The following MACROD2 variants were observed in gnomAD, a reference collection of about 807,000 sequenced individuals.
The protein encoded by MACROD2 is mono-ADP ribosylhydrolase 2.
MACROD2 carries 36 observed loss-of-function variants against 70.4 expected under a neutral mutation model. That is an observed-to-expected ratio of 0.51 (90% CI 0.39 to 0.68). The LOEUF is 0.68. Ranked by LOEUF, MACROD2 falls within the 30% of genes least tolerant of loss-of-function variation. MACROD2 has a pLI of 0.00. For synonymous variants in MACROD2, 172 were observed against 178.8 expected (o/e 0.96, Z 0.30); for missense variants, 496 against 538.4 (o/e 0.92, Z 0.78).
At chr20:14,266,912 G>A (rs894134845) in intron 3 of MACROD2, among the ~76,000 whole-genome samples, 1 of 152,144 alleles carries the variant, frequency 6.6e-6, no homozygotes, top group Non-Finnish European at 1.5e-5. Context: ...AGAACATATT[G>A]TAATCAGTAT....
At chr20:14,714,449 T>C (rs1336537605) in intron 5 of MACROD2, among the ~76,000 whole-genome samples, 1 of 152,162 alleles carries the variant, frequency 6.6e-6, no homozygotes, top group African/African-American at 2.4e-5. Context: ...TAAATTATTG[T>C]CACCTCCTGC....
At chr20:15,242,494 G>A (rs1410332321) in intron 6 of MACROD2, among the ~76,000 whole-genome samples, 1 of 152,108 alleles carries the variant, frequency 6.6e-6, no homozygotes, top group Non-Finnish European at 1.5e-5. Flanking sequence ...CTGGTCTTCA[G>A]TTTGCCTTTA....
intron 3 of MACROD2, among the ~76,000 whole-genome samples, chr20:14,284,164 T>C (rs1226182190): frequency 6.6e-6 from 1 of 152,056 alleles, no homozygotes; most frequent in East Asian, 1.9e-4. Flanking sequence ...AGGTGTTGGG[T>C]TGGACATGAC....
intron 8 of MACROD2, among the ~76,000 whole-genome samples, chr20:15,668,179 G>T (rs1205120690): frequency 6.6e-6 from 1 of 151,990 alleles, no homozygotes; most frequent in East Asian, 1.9e-4. Context: ...AGAATCACTT[G>T]AACCCAGGAG....
chr20:14,682,905 G>A (rs1418938012), intron 4 of MACROD2, among the ~76,000 whole-genome samples: 1 of 152,068 alleles, frequency 6.6e-6, no homozygotes, highest in Non-Finnish European at 1.5e-5. Flanking sequence ...TTGAGACGGA[G>A]TTTCACTCTT....
intron 2 of MACROD2, among the ~76,000 whole-genome samples, chr20:14,018,282 C>T (rs2053021596): frequency 6.7e-6 from 1 of 150,174 alleles, no homozygotes; most frequent in South Asian, 2.1e-4. Flanking sequence ...TTTTATTTAT[C>T]ACCACTCTTA....
chr20:14,729,381 A>T (rs530390150), intron 5 of MACROD2, among the ~76,000 whole-genome samples: 1 of 152,310 alleles, frequency 6.6e-6, no homozygotes, highest in South Asian at 2.1e-4. Flanking sequence ...AATATATTTT[A>T]TGTAGTATCC....
At chr20:14,686,279 G>C (rs2071001232) in intron 5 of MACROD2, among the ~76,000 whole-genome samples, 1 of 152,116 alleles carries the variant, frequency 6.6e-6, no homozygotes, top group Non-Finnish European at 1.5e-5. Context: ...GTAATTTGGA[G>C]ATGGGGCCCA....
chr20:15,304,165 T>C (rs1423436871), intron 6 of MACROD2, among the ~76,000 whole-genome samples: 1 of 152,198 alleles, frequency 6.6e-6, no homozygotes, highest in East Asian at 1.9e-4. Context: ...TTTATTTATT[T>C]TAATTTTGGA....
intron 3 of MACROD2, among the ~76,000 whole-genome samples, chr20:14,341,445 C>T (rs1262810464): frequency 6.6e-6 from 1 of 152,094 alleles, no homozygotes; most frequent in African/African-American, 2.4e-5. Flanking sequence ...TGAGACCAGC[C>T]TGGTTAACGT....
intron 5 of MACROD2, chr20:14,894,211 C>T (rs1432561959): frequency 1.3e-5 from 2 of 151,900 alleles, no homozygotes; most frequent in African/African-American, 2.4e-5. Context: ...TTTTATTTCT[C>T]ATTTACCCCT....
At chr20:15,425,719 G>A (rs1600394351) in intron 6 of MACROD2, among the ~76,000 whole-genome samples, 1 of 152,174 alleles carries the variant, frequency 6.6e-6, no homozygotes, top group African/African-American at 2.4e-5. Context: ...AGGTCAGTCA[G>A]CCCCTTCCGA....
intron 4 of MACROD2, among the ~76,000 whole-genome samples, chr20:14,513,383 G>T (rs2085052241): frequency 6.6e-6 from 1 of 152,022 alleles, no homozygotes; most frequent in African/African-American, 2.4e-5. Flanking sequence ...TTAAATAGTT[G>T]TGCTAATAAA....
chr20:15,256,234 CTT>C (rs1183535615), intron 6 of MACROD2, among the ~76,000 whole-genome samples: 4 of 152,138 alleles, frequency 2.6e-5, no homozygotes, highest in Middle Eastern at 3.4e-3. Context: ...TTACTCTCCT[CTT>C]CTTTTGTGTT....
chr20:14,555,210 T>C (rs1978945976), intron 4 of MACROD2, among the ~76,000 whole-genome samples: 1 of 152,114 alleles, frequency 6.6e-6, no homozygotes, highest in South Asian at 2.1e-4. Flanking sequence ...TATGCCCGTA[T>C]CAAAACATCT....
At chr20:14,328,354 A>G (rs1326900067) in intron 3 of MACROD2, among the ~76,000 whole-genome samples, 1 of 152,066 alleles carries the variant, frequency 6.6e-6, no homozygotes, top group Non-Finnish European at 1.5e-5. Flanking sequence ...TGCAGGTTTT[A>G]ATGACTTTGT....
intron 6 of MACROD2, among the ~76,000 whole-genome samples, chr20:15,316,510 CAT>C (rs1324371939): frequency 1.3e-5 from 2 of 152,140 alleles, no homozygotes; most frequent in African/African-American, 4.8e-5. Context: ...CATTTATAAA[CAT>C]ATAGGCAACA....
intron 5 of MACROD2, among the ~76,000 whole-genome samples, chr20:15,165,890 C>T (rs1283910265): frequency 6.6e-6 from 1 of 151,956 alleles, no homozygotes; most frequent in African/African-American, 2.4e-5. Context: ...GTCCAAATGT[C>T]TATCAATCAA....
chr20:14,563,296 GTA>G (rs1568672256), intron 4 of MACROD2, among the ~76,000 whole-genome samples: 1 of 151,870 alleles, frequency 6.6e-6, no homozygotes, highest in Non-Finnish European at 1.5e-5. Context: ...AGACACAAGA[GTA>G]TGGTAATATG....
Sources: allele counts gnomAD v4.1 joint callset (sites outside exome capture counted in the v4.1 genomes callset), GRCh38; gene constraint gnomAD v4.1.1; transcripts MANE v1.5; gene names NCBI Gene and HGNC (gene_info 2026-07-23, HGNC 2026-07-21).